G3BP1: variants seen among roughly 807,000 people sequenced by gnomAD.
G3BP1 encodes ras GTPase-activating protein-binding protein 1.
In G3BP1, 35 loss-of-function variants were observed where a neutral mutation model predicts 58.6. The ratio of observed to expected loss-of-function variants is 0.60; its 90% CI spans 0.46 to 0.79. The LOEUF (loss-of-function observed/expected upper bound fraction) is 0.79. G3BP1 is among the 30% of genes least tolerant of loss of function. The probability of loss-of-function intolerance (pLI) is 0.00; values close to 1 mark genes in which losing one functional copy is unlikely to be tolerated. For missense variants in G3BP1, 523 were observed against 580.8 expected (o/e 0.90, Z 1.02); for synonymous variants, 191 against 195.4 (o/e 0.98, Z 0.19).
intron 1 of G3BP1, among the ~76,000 whole-genome samples, chr5:151,782,967 C>T (rs1762497339): frequency 6.7e-6 from 1 of 149,864 alleles, no homozygotes; most frequent in Non-Finnish European, 1.5e-5. Flanking sequence ...AAGCGATTCT[C>T]CTGCCTCAGC....
At chr5:151,778,107 G>C (rs1762403759) in intron 1 of G3BP1, among the ~76,000 whole-genome samples, 1 of 152,036 alleles carries the variant, frequency 6.6e-6, no homozygotes, top group East Asian at 1.9e-4. Flanking sequence ...TTTCTCTTGG[G>C]TAAATGCTTA....
intron 1 of G3BP1, among the ~76,000 whole-genome samples, chr5:151,784,071 T>C (rs563563188): frequency 2.6e-5 from 4 of 152,152 alleles, no homozygotes; most frequent in African/African-American, 9.7e-5. Flanking sequence ...CAACATTTTT[T>C]AATTTATTTA....
chr5:151,788,938 T>C (rs1001637894), intron 2 of G3BP1, among the ~76,000 whole-genome samples: 1 of 151,970 alleles, frequency 6.6e-6, no homozygotes, highest in African/African-American at 2.4e-5. Context: ...CCACCATGCC[T>C]GGCTAATTTT....
At chr5:151,783,951 T>C (rs1195642334) in intron 1 of G3BP1, among the ~76,000 whole-genome samples, 2 of 151,854 alleles carry the variant, frequency 1.3e-5, no homozygotes, top group African/African-American at 2.4e-5. Flanking sequence ...TTAGTAGAAA[T>C]GGGGCTTCAC....
intron 4 of G3BP1, among the ~76,000 whole-genome samples, chr5:151,793,211 C>G (rs1431851241): frequency 1.3e-5 from 2 of 152,132 alleles, no homozygotes; most frequent in African/African-American, 4.8e-5. Context: ...CGGGTTCAAG[C>G]AATCCTCCCG....
rs1227228940 is a variant in G3BP1 at position 151,809,344 on chromosome 5, G to A, written c.*5253G>A. ...ACCAAGAAGTTGGTATAAGGGAGTAGGAGATGAGAAAACTTTTTGAAAAAT... is the reference window on the plus strand; with the variant it reads ...ACCAAGAAGTTGGTATAAGGGAGTAAGAGATGAGAAAACTTTTTGAAAAAT... On this transcript the variant is annotated 3_prime_UTR_variant, in exon 12 of 12. Coordinates refer to ENST00000356245, the MANE Select transcript of G3BP1 (RefSeq NM_005754.3). 2.0e-5 allele frequency: 3 copies of A among 152,162 alleles called. No homozygotes were observed. The allele number at this position is 152,162 out of a possible 1,614,324, so 9.4% of individuals were successfully genotyped here.
chr5:151,779,821 A>G (rs569345676), intron 1 of G3BP1, among the ~76,000 whole-genome samples: 1 of 152,362 alleles, frequency 6.6e-6, no homozygotes, highest in South Asian at 2.1e-4. Flanking sequence ...TAATGTGAAT[A>G]AACCACAACT....
chr5:151,799,991 C>A lies in G3BP1; in HGVS notation c.946C>A (p.Pro316Thr). The A allele has an allele frequency of 6.3e-7, 1 of 1,593,034 alleles. No individual in the cohort carries two copies. Among genetic ancestry groups the A allele is most frequent in the Non-Finnish European group, 8.6e-7 (1 of 1,161,246 alleles). The change falls in exon 9 of 12, where the codon CCC becomes ACC. Residue 316 changes from proline (P) to threonine (T), a missense_variant. Physicochemically the swap from Pro to Thr is conservative, Grantham distance 38 (BLOSUM62 -1). Coordinates refer to ENST00000356245, the MANE Select transcript of G3BP1 (RefSeq NM_005754.3). ...AATAAATATTCCTCCCCAAAGGGGA[C>A]CCAGACCAAGTAAGAGCTCAGAAGG... Reference protein sequence around the residue: ...QRINIPPQRGPRPIREAGEQG... With the variant: ...QRINIPPQRGTRPIREAGEQG...
rs1390975939 is a variant in G3BP1 at position 151,807,646 on chromosome 5, C to T, written c.*3555C>T. Reference sequence around the variant, plus strand: ...ATAATATTTTTATTATAGTATAATCCAGGTGAGTTTATAGAATTTGTGTTT... The same window carrying T: ...ATAATATTTTTATTATAGTATAATCTAGGTGAGTTTATAGAATTTGTGTTT... On this transcript the variant is annotated 3_prime_UTR_variant, in exon 12 of 12. Transcript: ENST00000356245. The T allele has an allele frequency of 6.6e-6, 1 of 151,970 alleles. No individual in the cohort carries two copies. Among genetic ancestry groups the T allele is most frequent in the Admixed American group, 6.6e-5 (1 of 15,264 alleles). 9.4% of individuals were successfully genotyped at this position (151,970 alleles called of 1,614,324 possible).
intron 1 of G3BP1, among the ~76,000 whole-genome samples, chr5:151,775,187 G>C (rs1476571357): frequency 1.3e-5 from 2 of 152,094 alleles, no homozygotes; most frequent in Non-Finnish European, 1.5e-5. Flanking sequence ...ATAAGTTCTT[G>C]GTATGTGTGT....
chr5:151,777,836 C>T (rs28445353), intron 1 of G3BP1, among the ~76,000 whole-genome samples: 30,047 of 151,870 alleles, frequency 0.2, 3,531 homozygotes, highest in African/African-American at 0.33. Context: ...TTGTTCCTTC[C>T]ACCCTTCTCC....
intron 1 of G3BP1, among the ~76,000 whole-genome samples, chr5:151,774,397 G>A (rs901411537): frequency 4.6e-5 from 7 of 151,734 alleles, no homozygotes; most frequent in African/African-American, 1.7e-4. Context: ...AACGGCAGAA[G>A]GCAGTTTTAA....
chr5:151,785,437 C>T (rs1180230792), intron 1 of G3BP1, among the ~76,000 whole-genome samples: 1 of 151,872 alleles, frequency 6.6e-6, no homozygotes, highest in Non-Finnish European at 1.5e-5. Flanking sequence ...TTGTCTACCC[C>T]TGTTTAAAAA....
Position 151,807,435 on chromosome 5 carries a change from C to G in G3BP1, c.*3344C>G, listed in dbSNP as rs889962229. On this transcript the variant is annotated 3_prime_UTR_variant, in exon 12 of 12. Coordinates refer to ENST00000356245, the MANE Select transcript of G3BP1 (RefSeq NM_005754.3). Reference sequence around the variant, plus strand: ...GGGAGACTTGAGTCTGGAATACATTCAGAACAAGGTTAACATTACAGTTCT... The same window carrying G: ...GGGAGACTTGAGTCTGGAATACATTGAGAACAAGGTTAACATTACAGTTCT... 1 of 152,106 alleles carries G rather than the reference C, an allele frequency of 6.6e-6. No homozygotes were observed. Among genetic ancestry groups the G allele is most frequent in the African/African-American group, 2.4e-5 (1 of 41,422 alleles). 9.4% of individuals were successfully genotyped at this position (152,106 alleles called of 1,614,324 possible).
chr5:151,796,139 T>G (rs1431027216), intron 6 of G3BP1, among the ~76,000 whole-genome samples: 1 of 152,234 alleles, frequency 6.6e-6, no homozygotes, highest in Non-Finnish European at 1.5e-5. Context: ...AAGGGTGTTT[T>G]CAAGTGTTTC....
At chr5:151,803,145 G>T (rs187390165) in intron 11 of G3BP1, among the ~76,000 whole-genome samples, 2 of 152,164 alleles carry the variant, frequency 1.3e-5, no homozygotes. Flanking sequence ...AGGTGTTAAA[G>T]AGCAAATTAA....
At chr5:151,793,460 G>A (rs2915868) in intron 4 of G3BP1, among the ~76,000 whole-genome samples, 68,283 of 152,010 alleles carry the variant, frequency 0.45, 15,777 homozygotes, top group African/African-American at 0.56. Flanking sequence ...GCATTTACAT[G>A]CTTAGGGCTT....
intron 1 of G3BP1, among the ~76,000 whole-genome samples, chr5:151,783,407 CAG>C (rs1175758661): frequency 6.6e-6 from 1 of 151,316 alleles, no homozygotes; most frequent in Non-Finnish European, 1.5e-5. Context: ...ATCAAATAAA[CAG>C]ATTTTTTTTT....
At chr5:151,779,773 G>A (rs1410005939) in intron 1 of G3BP1, among the ~76,000 whole-genome samples, 1 of 152,202 alleles carries the variant, frequency 6.6e-6, no homozygotes, top group African/African-American at 2.4e-5. Flanking sequence ...AATCTTAAAA[G>A]TGCTCTCATA....
Sources: allele counts gnomAD v4.1 joint callset (sites outside exome capture counted in the v4.1 genomes callset), GRCh38; gene constraint gnomAD v4.1.1; transcripts MANE v1.5; gene names NCBI Gene and HGNC (gene_info 2026-07-23, HGNC 2026-07-21).